GRM7: variants seen among roughly 807,000 people sequenced by gnomAD.
The protein encoded by GRM7 is glutamate metabotropic receptor 7, also known as metabotropic glutamate receptor 7.
GRM7 carries 35 observed loss-of-function variants against 84.5 expected under a neutral mutation model. The observed-to-expected ratio is 0.41, with a 90% CI of 0.32 to 0.55. GRM7 has a LOEUF of 0.55. Ranked by LOEUF, GRM7 falls within the 20% of genes least tolerant of loss-of-function variation. GRM7 has a pLI of 0.19. For synonymous variants in GRM7, 487 were observed against 455.1 expected, an observed-to-expected ratio of 1.07 and a Z score of -0.89; for missense variants, 1,003 against 1,194.6, an observed-to-expected ratio of 0.84 and a Z score of 2.36.
At chr3:7,468,281 T>C (rs1339412244) in intron 7 of GRM7, among the ~76,000 whole-genome samples, 1 of 152,220 alleles carries the variant, frequency 6.6e-6, no homozygotes, top group Non-Finnish European at 1.5e-5. Context: ...AAGGCTTCTT[T>C]TGTGGAACCA....
intron 8 of GRM7, among the ~76,000 whole-genome samples, chr3:7,662,707 A>C (rs956622066): frequency 2.0e-5 from 3 of 152,348 alleles, no homozygotes; most frequent in Non-Finnish European, 4.4e-5. Flanking sequence ...CAAAAAGCGT[A>C]AAGAGAAAAC....
In GRM7 at chr3:7,297,819, C is replaced by A. The variant is rs541356022; in HGVS notation, c.737-865C>A. 3.0e-4 allele frequency among the ~76,000 whole-genome samples: 45 copies of A among 152,270 alleles called. No individual in the cohort carries two copies. In the South Asian group the frequency reaches 8.9e-3, roughly 30 times the overall value. ...GACTTTTCTACAAATATTTCCTCTA[C>A]CCTTTTCATCGATGCTGGCTTTTAA... On this transcript the variant is annotated intron_variant, in intron 2 of 9. Transcript: ENST00000357716.
rs535765165 is a variant in GRM7, at chr3:7,011,280, A to T, written c.520-135172A>T. On this transcript the variant is annotated intron_variant, in intron 1 of 9. Transcript: ENST00000357716. ...AGCAATCAATATTATTAATGTAGACATAAGTGGAAACTTTATATGTAGAAG... is the reference window on the plus strand; with the variant it reads ...AGCAATCAATATTATTAATGTAGACTTAAGTGGAAACTTTATATGTAGAAG... Among the ~76,000 whole-genome samples, 3 of 152,388 alleles carry T rather than the reference A, an allele frequency of 2.0e-5. 1 individual carries two copies. In the South Asian group the frequency reaches 6.2e-4, roughly 32 times the overall value.
At chr3:7,042,095 AAT>A (rs1559401991) in intron 1 of GRM7, among the ~76,000 whole-genome samples, 1 of 152,130 alleles carries the variant, frequency 6.6e-6, no homozygotes, top group African/African-American at 2.4e-5. Flanking sequence ...TATCCTTTGT[AAT>A]ATCTTTTATA....
At chr3:7,438,855 C>T (rs1697167193) in intron 5 of GRM7, among the ~76,000 whole-genome samples, 1 of 151,992 alleles carries the variant, frequency 6.6e-6, no homozygotes, top group African/African-American at 2.4e-5. Flanking sequence ...ACAGGAGCTG[C>T]CACATATTTA....
chr3:7,515,740 C>A (rs6774660), intron 7 of GRM7, among the ~76,000 whole-genome samples: 1 of 152,006 alleles, frequency 6.6e-6, no homozygotes, highest in African/African-American at 2.4e-5. Flanking sequence ...GACTTTAGAA[C>A]GCCATAATCT....
intron 1 of GRM7, among the ~76,000 whole-genome samples, chr3:7,002,313 T>C (rs1695040231): frequency 6.6e-6 from 1 of 152,190 alleles, no homozygotes; most frequent in Non-Finnish European, 1.5e-5. Context: ...CTTGGGTTCC[T>C]CTACTAAAAA....
At chr3:7,341,356 G>A (rs928230264) in intron 4 of GRM7, among the ~76,000 whole-genome samples, 4 of 146,380 alleles carry the variant, frequency 2.7e-5, no homozygotes, top group Non-Finnish European at 5.9e-5. Flanking sequence ...TACAAATAAC[G>A]GTAAAATTCA....
chr3:7,571,433 G>T (rs1219325760), intron 7 of GRM7, among the ~76,000 whole-genome samples: 3 of 152,060 alleles, frequency 2.0e-5, no homozygotes, highest in Non-Finnish European at 4.4e-5. Context: ...CAAGTTCAAA[G>T]TTCCACAAAT....
intron 1 of GRM7, among the ~76,000 whole-genome samples, chr3:6,873,603 C>T (rs981919155): frequency 6.6e-6 from 1 of 152,218 alleles, no homozygotes; most frequent in Admixed American, 6.5e-5. Context: ...GCACTTAATA[C>T]AATGCCTACC....
chr3:7,669,860 C>G (rs1278437267), intron 8 of GRM7, among the ~76,000 whole-genome samples: 1 of 151,942 alleles, frequency 6.6e-6, no homozygotes, highest in African/African-American at 2.4e-5. Flanking sequence ...TCTCAAAGCT[C>G]TCACTGTTCC....
chr3:7,675,072 T>C (rs1044934624), intron 8 of GRM7, among the ~76,000 whole-genome samples: 1 of 152,338 alleles, frequency 6.6e-6, no homozygotes, highest in African/African-American at 2.4e-5. Context: ...TTTATATAGA[T>C]AAAAGTGGTG....
chr3:7,366,409 G>A (rs1001672831), intron 4 of GRM7, among the ~76,000 whole-genome samples: 1 of 151,818 alleles, frequency 6.6e-6, no homozygotes, highest in Non-Finnish European at 1.5e-5. Flanking sequence ...TGGAAAGTTT[G>A]CATTTCCTCA....
At chr3:7,150,082 T>TGA (rs1483766034) in intron 2 of GRM7, among the ~76,000 whole-genome samples, 8 of 145,762 alleles carry the variant, frequency 5.5e-5, no homozygotes, top group African/African-American at 1.5e-4. Context: ...TGTGTGTGTG[T>TGA]GTGTGAGAGA....
chr3:7,083,238 C>T lies in GRM7; in HGVS notation c.520-63214C>T, dbSNP rs141754480. Among the ~76,000 whole-genome samples, 721 of 152,272 alleles carry T rather than the reference C, an allele frequency of 4.7e-3. 7 individuals are homozygous for T. Among genetic ancestry groups the T allele is most frequent in the African/African-American group, 0.016 (684 of 41,562 alleles). On this transcript the variant is annotated intron_variant, in intron 1 of 9. Transcript: ENST00000357716. Reference sequence around the variant, plus strand: ...AGCAACCACCACCCTGATTAGTCAGCAGCCAACAACATCGAGGCAAGATCC... The same window carrying T: ...AGCAACCACCACCCTGATTAGTCAGTAGCCAACAACATCGAGGCAAGATCC...
chr3:7,384,967 G>T (rs970396058), intron 4 of GRM7, among the ~76,000 whole-genome samples: 1 of 152,126 alleles, frequency 6.6e-6, no homozygotes, highest in African/African-American at 2.4e-5. Flanking sequence ...CTGGAAAAAA[G>T]ATAACAATTT....
At chr3:7,331,096 C>T (rs901069159) in intron 4 of GRM7, among the ~76,000 whole-genome samples, 1 of 152,130 alleles carries the variant, frequency 6.6e-6, no homozygotes, top group African/African-American at 2.4e-5. Flanking sequence ...CCCAGGAGAA[C>T]AAAAACTCCA....
chr3:7,702,999 C>G (rs1205314859), intron 9 of GRM7, among the ~76,000 whole-genome samples: 1 of 152,130 alleles, frequency 6.6e-6, no homozygotes. Context: ...TCAGTACTGA[C>G]TGCTCATCTG....
rs554634235 is a variant in GRM7, at chr3:7,198,799, T to C, written c.736+52131T>C. On this transcript the variant is annotated intron_variant, in intron 2 of 9. Transcript: ENST00000357716. ...TTTCACACCATCATAAAGTCAAAAATTATAAGTTGAGCCATCATAAGTTGG... is the reference window on the plus strand; with the variant it reads ...TTTCACACCATCATAAAGTCAAAAACTATAAGTTGAGCCATCATAAGTTGG... 1.4e-3 allele frequency among the ~76,000 whole-genome samples: 212 copies of C among 152,294 alleles called. 3 individuals are homozygous for C. Among genetic ancestry groups the C allele is most frequent in the African/African-American group, 5.0e-3 (207 of 41,580 alleles).
Sources: allele counts gnomAD v4.1 joint callset (sites outside exome capture counted in the v4.1 genomes callset), GRCh38; gene constraint gnomAD v4.1.1; transcripts MANE v1.5; gene names NCBI Gene and HGNC (gene_info 2026-07-23, HGNC 2026-07-21).